LAMA5: variants seen among roughly 807,000 people sequenced by gnomAD.
LAMA5 encodes the protein laminin subunit alpha-5.
In LAMA5, 260 loss-of-function variants were observed where a neutral mutation model predicts 433.4. The observed-to-expected ratio is 0.60, with a 90% CI of 0.54 to 0.66. LAMA5 has a LOEUF of 0.66. Among genes scored for constraint, LAMA5 ranks in the 30% least tolerant of loss-of-function variants. The probability of loss-of-function intolerance (pLI) is 0.00; values close to 1 mark genes in which losing one functional copy is unlikely to be tolerated. For missense variants in LAMA5, 5,378 were observed against 5,258.5 expected (o/e 1.02, Z -0.70); for synonymous variants, 2,620 against 2,226.6 (o/e 1.18, Z -4.97).
intron 10 of LAMA5, 85 bp downstream of exon 10, chr20:62,345,996 C>T: frequency 6.3e-7 from 1 of 1,590,374 alleles, no homozygotes; most frequent in Non-Finnish European, 8.6e-7. Flanking sequence ...CATGGTCCAT[C>T]CCGGGGAACC....
Position 62,320,755 on chromosome 20 carries a change from G to A in LAMA5, c.6632C>T (p.Ser2211Phe), listed in dbSNP as rs1472560613. The A allele has an allele frequency of 6.2e-7, 1 of 1,612,560 alleles. No homozygotes were observed. Among genetic ancestry groups the A allele is most frequent in the African/African-American group, 1.3e-5 (1 of 74,954 alleles). The change falls in exon 49 of 80, where the codon TCC (serine) becomes TTC (phenylalanine). Residue 2211 changes from serine to phenylalanine, a missense_variant. Transcript: ENST00000252999. ...AWARLHRLNA[S>F]IADLQSQLRS... ...GCTCAGTACCTGCAGGTCAGCGATGGAGGCGTTCAGCCTGTGCAGACGGGC... is the reference window on the plus strand; with the variant it reads ...GCTCAGTACCTGCAGGTCAGCGATGAAGGCGTTCAGCCTGTGCAGACGGGC...
chr20:62,313,637 G>T lies in LAMA5; in HGVS notation c.8658+12C>A. 6.2e-7 allele frequency: 1 copy of T among 1,612,112 alleles called. No individual in the cohort carries two copies. Among genetic ancestry groups the T allele is most frequent in the Non-Finnish European group, 8.5e-7 (1 of 1,179,704 alleles). ...AGCCCCTCCCAGGCTGCCCCAGGCC[G>T]GGCGGGCTCACCGTGAAGGTACTGG... is the stretch of plus-strand genomic sequence containing the variant. On this transcript the variant is annotated intron_variant, in intron 63 of 79. Transcript: ENST00000252999.
chr20:62,325,561 T>A lies in LAMA5; in HGVS notation c.5299-15A>T. 1.9e-6 allele frequency: 3 copies of A among 1,569,612 alleles called. No homozygotes were observed. Among genetic ancestry groups the A allele is most frequent in the Non-Finnish European group, 2.6e-6 (3 of 1,146,054 alleles). On this transcript the variant is annotated splice_polypyrimidine_tract_variant and intron_variant, in intron 40 of 79. Transcript: ENST00000252999. ...CGGAAGTTCCCCTGTGGGTCCAGGA[T>A]GGCACCTCAGTGGGGCCACACTCAA... is the stretch of plus-strand genomic sequence containing the variant.
chr20:62,333,840 G>GGGTGA, intron 23 of LAMA5, 61 bp downstream of exon 23: 1 of 1,454,818 alleles, frequency 6.9e-7, no homozygotes, highest in Non-Finnish European at 9.3e-7. Flanking sequence ...CTTGGGAGTG[G>GGGTGA]GGTGGGGTGG....
At chr20:62,355,110 G>A (rs1236741067) in intron 2 of LAMA5, among the ~76,000 whole-genome samples, 2 of 152,160 alleles carry the variant, frequency 1.3e-5, no homozygotes, top group Non-Finnish European at 2.9e-5. Flanking sequence ...GCGGCAGTGG[G>A]GACCAGCCCC....
rs777708627 is a variant in LAMA5 at position 62,310,317 on chromosome 20, G to T, written c.10601-6C>A. 10 of 1,595,336 alleles carry T rather than the reference G, an allele frequency of 6.3e-6. No individual in the cohort carries two copies. The highest frequency in any genetic ancestry group is 1.7e-5 in the Admixed American group (1 of 58,834). On this transcript the variant is annotated splice_polypyrimidine_tract_variant and splice_region_variant and intron_variant, in intron 76 of 79. Transcript: ENST00000252999. ...CAGTGTAGCTCCTGGGAGGTCTGCG[G>T]GGAGGGGTTGTGATGGAGAAGAAAG...
chr20:62,357,360 G>A (rs1360326854), intron 2 of LAMA5, among the ~76,000 whole-genome samples: 5 of 152,304 alleles, frequency 3.3e-5, no homozygotes, highest in African/African-American at 7.2e-5. Flanking sequence ...CACCCTGATC[G>A]CACTGCTCGG....
intron 11 of LAMA5, chr20:62,342,446 G>A (rs1278968736): frequency 4.7e-6 from 1 of 211,532 alleles, no homozygotes; most frequent in Non-Finnish European, 9.9e-6. Context: ...GGGAGGCCAA[G>A]ACGGGTGGAT....
Position 62,327,372 on chromosome 20 carries a change from G to A in LAMA5, c.4973C>T (p.Thr1658Ile). The part of the protein sequence containing the change: ...VDMEGWVLLS[T>I]DRQVVPHERQ... ...CTCGTGGGGCACCACCTGCCGGTCAGTGCTCAGCAGCACCCATCCCTCCAT... is the reference window on the plus strand; with the variant it reads ...CTCGTGGGGCACCACCTGCCGGTCAATGCTCAGCAGCACCCATCCCTCCAT... Residue 1658 changes from threonine to isoleucine, a missense_variant, in exon 38 of 80, where the codon ACT becomes ATT. By Grantham distance (89) the Thr-to-Ile change is moderately conservative. Transcript: ENST00000252999. 6.3e-7 allele frequency: 1 copy of A among 1,596,082 alleles called. No individual in the cohort carries two copies. Among genetic ancestry groups the A allele is most frequent in the Non-Finnish European group, 8.5e-7 (1 of 1,170,918 alleles).
chr20:62,313,493 C>T (rs751109884), intron 63 of LAMA5, 33 bp from the exon 64 acceptor site: 10 of 1,570,212 alleles, frequency 6.4e-6, no homozygotes, highest in Non-Finnish European at 7.8e-6. Flanking sequence ...GGGCACCTGG[C>T]CTGAGGCGCC....
At chr20:62,348,952 T>C (rs1326915333) in intron 6 of LAMA5, among the ~76,000 whole-genome samples, 1 of 152,096 alleles carries the variant, frequency 6.6e-6, no homozygotes, top group East Asian at 1.9e-4. Context: ...TCAGAAAGAA[T>C]GGCCAAGGAT....
In LAMA5 at chr20:62,330,629, C is replaced by T; in HGVS notation, c.3853-15G>A. On this transcript the variant is annotated splice_polypyrimidine_tract_variant and intron_variant, in intron 30 of 79. Coordinates refer to ENST00000252999, the MANE Select transcript of LAMA5 (RefSeq NM_005560.6). Reference sequence around the variant, plus strand: ...ACCACGGTGGCCTGCAGGGATAGGCCCTAGTGAGCAGGCTGAGCTATGAGC... The same window carrying T: ...ACCACGGTGGCCTGCAGGGATAGGCTCTAGTGAGCAGGCTGAGCTATGAGC... 1 of 1,584,696 alleles carries T rather than the reference C, an allele frequency of 6.3e-7. No homozygotes were observed. The highest frequency in any genetic ancestry group is 8.6e-7 in the Non-Finnish European group (1 of 1,166,876).
chr20:62,355,960 CCT>C (rs1217424877), intron 2 of LAMA5, among the ~76,000 whole-genome samples: 1 of 152,240 alleles, frequency 6.6e-6, no homozygotes, highest in Non-Finnish European at 1.5e-5. Context: ...CCCGCTGTTC[CCT>C]GAGTGCCTGG....
At chr20:62,356,965 G>T (rs546887711) in intron 2 of LAMA5, among the ~76,000 whole-genome samples, 3 of 152,346 alleles carry the variant, frequency 2.0e-5, no homozygotes, top group African/African-American at 4.8e-5. Flanking sequence ...CTGAGTAGGT[G>T]CTAGGGTCTG....
chr20:62,363,597 C>A (rs533165034), intron 1 of LAMA5, among the ~76,000 whole-genome samples: 1 of 152,098 alleles, frequency 6.6e-6, no homozygotes, highest in African/African-American at 2.4e-5. Flanking sequence ...CCCGCCCCCC[C>A]AGGAAACCAG....
At chr20:62,333,066 T>C in intron 26 of LAMA5, 24 bp downstream of exon 26, 1 of 1,474,580 alleles carries the variant, frequency 6.8e-7, no homozygotes, top group Non-Finnish European at 9.0e-7. Flanking sequence ...CACCCATTGC[T>C]CCGTGGGGTC....
Position 62,338,515 on chromosome 20 carries a change from G to T in LAMA5, c.1571C>A (p.Thr524Asn), listed in dbSNP as rs754610401. ...CCCTGGCGCGCAGAGCTCACAATGGGTGCCTTGGAAGTTGGGTTTGCACAG... is the reference window on the plus strand; with the variant it reads ...CCCTGGCGCGCAGAGCTCACAATGGTTGCCTTGGAAGTTGGGTTTGCACAG... ...RCLCKPNFQGTHCELCAPGFY... is the reference protein window; with the variant it reads ...RCLCKPNFQGNHCELCAPGFY... The change falls in exon 12 of 80, where the codon ACC becomes AAC. Residue 524 changes from threonine (T) to asparagine (N), a missense_variant. Thr to Asn is a moderately conservative substitution (Grantham distance 65, BLOSUM62 0). Transcript: ENST00000252999. 3 of 1,609,998 alleles carry T rather than the reference G, an allele frequency of 1.9e-6. No homozygotes were observed. The highest frequency in any genetic ancestry group is 1.7e-6 in the Non-Finnish European group (2 of 1,179,092).
In LAMA5 at chr20:62,316,906, C is replaced by T; in HGVS notation, c.7629G>A (p.Leu2543=). 6.5e-7 allele frequency: 1 copy of T among 1,541,126 alleles called. No individual in the cohort carries two copies. The highest frequency in any genetic ancestry group is 8.8e-7 in the Non-Finnish European group (1 of 1,142,206). Residue 2543 remains leucine (L), a synonymous_variant, in exon 56 of 80, where the codon CTG becomes CTA. Coordinates refer to ENST00000252999, the MANE Select transcript of LAMA5 (RefSeq NM_005560.6). The stretch of plus-strand genomic sequence containing the variant: ...CCGCCCACGTGTGGTCCGCCTGCTG[C>T]AGGGCCTGGCCAGCAGCATCCTCGG... ...QAAEDAAGQA[L]QQADHTWATV...
rs917054745 is a variant in LAMA5 at position 62,337,869 on chromosome 20, G to A, written c.1961C>T (p.Pro654Leu). The A allele has an allele frequency of 1.9e-6, 3 of 1,612,486 alleles. No individual in the cohort carries two copies. The highest frequency in any genetic ancestry group is 1.1e-5 in the South Asian group (1 of 91,078). ...CGAGGLCRCR[P>L]GYTGTACQEC... ...CTGGCAGGCAGTGCCTGTGTAGCCG[G>A]GGCGGCAGCGGCACAAACCTCCCGC... The change falls in exon 15 of 80, where the codon CCC (proline) becomes CTC (leucine). Residue 654 changes from proline to leucine, a missense_variant. Physicochemically the swap from Pro to Leu is moderately conservative, Grantham distance 98. Transcript: ENST00000252999.
Sources: allele counts gnomAD v4.1 joint callset (sites outside exome capture counted in the v4.1 genomes callset), GRCh38; gene constraint gnomAD v4.1.1; transcripts MANE v1.5; gene names NCBI Gene and HGNC (gene_info 2026-07-23, HGNC 2026-07-21).